The following ULK4 variants were observed in gnomAD, a reference collection of about 807,000 sequenced individuals.
ULK4 encodes unc-51 like kinase 4, also known as inactive serine/threonine-protein kinase ULK4.
In ULK4, 133 loss-of-function variants were observed where a neutral mutation model predicts 160.6. That is an observed-to-expected ratio of 0.83 (90% CI 0.72 to 0.96). ULK4 has a LOEUF of 0.96. Ranked by LOEUF, ULK4 falls within the 40% of genes least tolerant of loss-of-function variation. The probability of loss-of-function intolerance (pLI) is 0.00; values close to 1 mark genes in which losing one functional copy is unlikely to be tolerated. For missense variants in ULK4, 1,580 were observed against 1,499.5 expected (o/e 1.05, Z -0.89); for synonymous variants, 534 against 539.8 (o/e 0.99, Z 0.15).
At chr3:41,812,356 G>T (rs771711430) in intron 19 of ULK4, among the ~76,000 whole-genome samples, 3 of 152,064 alleles carry the variant, frequency 2.0e-5, no homozygotes, top group African/African-American at 7.2e-5. Flanking sequence ...TTTTGTCCTC[G>T]TTACAGATGT....
intron 36 of ULK4, among the ~76,000 whole-genome samples, chr3:41,247,908 A>G (rs189386225): frequency 1.3e-5 from 2 of 152,342 alleles, no homozygotes; most frequent in Admixed American, 6.5e-5. Context: ...TGGTAAGGCA[A>G]TCTGAACAAA....
rs1212395934 is a variant in ULK4, at chr3:41,804,817, G to C, written c.1849-4524C>G. Among the ~76,000 whole-genome samples the C allele has an allele frequency of 1.8e-3, 266 of 149,656 alleles. 2 individuals are homozygous for C. The highest frequency in any genetic ancestry group is 6.1e-3 in the African/African-American group (247 of 40,198). ...TAGATATGTGGCATTATTTCTGAGG[G>C]CTCTGTTCTATTCCATTGGTCTATA... is the stretch of plus-strand genomic sequence containing the variant. On this transcript the variant is annotated intron_variant, in intron 19 of 36. Coordinates refer to ENST00000301831, the MANE Select transcript of ULK4 (RefSeq NM_017886.4).
At chr3:41,372,233 C>G (rs1364174068) in intron 35 of ULK4, among the ~76,000 whole-genome samples, 1 of 152,084 alleles carries the variant, frequency 6.6e-6, no homozygotes, top group East Asian at 1.9e-4. Flanking sequence ...AGGATATTAT[C>G]CAGGAGAACT....
intron 20 of ULK4, among the ~76,000 whole-genome samples, chr3:41,796,815 T>A (rs1197414797): frequency 2.0e-5 from 3 of 152,134 alleles, no homozygotes; most frequent in Non-Finnish European, 4.4e-5. Context: ...GATCTTCATT[T>A]CTAAAAACTT....
intron 5 of ULK4, among the ~76,000 whole-genome samples, chr3:41,930,943 A>C (rs1255260190): frequency 6.6e-6 from 1 of 152,238 alleles, no homozygotes; most frequent in African/African-American, 2.4e-5. Flanking sequence ...GGGATCTAGA[A>C]CCAGAAATAC....
intron 35 of ULK4, among the ~76,000 whole-genome samples, chr3:41,338,525 C>G (rs1019047747): frequency 6.6e-6 from 1 of 152,110 alleles, no homozygotes; most frequent in Non-Finnish European, 1.5e-5. Context: ...GCTCACCCCT[C>G]TGCTTTAAAA....
At chr3:41,768,611 T>G (rs2125916161) in intron 21 of ULK4, among the ~76,000 whole-genome samples, 1 of 152,270 alleles carries the variant, frequency 6.6e-6, no homozygotes, top group Non-Finnish European at 1.5e-5. Flanking sequence ...TTGTACCAAC[T>G]TGCCAGTCAT....
rs370870905 is a variant in ULK4 at position 41,800,133 on chromosome 3, G to T, written c.2009C>A (p.Ser670Ter). 2 of 1,590,704 alleles carry T rather than the reference G, an allele frequency of 1.3e-6. No homozygotes were observed. Among genetic ancestry groups the T allele is most frequent in the African/African-American group, 1.4e-5 (1 of 73,850 alleles). Residue 670 changes from serine (S) to a stop codon, truncating the protein, a stop_gained and splice_region_variant, in exon 20 of 37, where the codon TCG becomes TAG. Transcript: ENST00000301831. LOFTEE classifies it high-confidence loss of function. ...CCCCCAAAAGATGCTTCATCTTACC[G>T]ATACTGCTGTTATCCTAAGAGAATC... Reference protein sequence around the residue: ...TADSLRITAVSALCRITRHSP... With the variant: ...TADSLRITAV
intron 30 of ULK4, among the ~76,000 whole-genome samples, chr3:41,616,720 A>C (rs2032985928): frequency 6.6e-6 from 1 of 152,218 alleles, no homozygotes; most frequent in South Asian, 2.1e-4. Flanking sequence ...GCATTCACCA[A>C]GCTAGCAGTA....
At chr3:41,370,301 GA>G (rs1469980156) in intron 35 of ULK4, among the ~76,000 whole-genome samples, 2 of 152,140 alleles carry the variant, frequency 1.3e-5, no homozygotes, top group Non-Finnish European at 2.9e-5. Flanking sequence ...GTGTTTCATA[GA>G]AAGAAACCAG....
intron 34 of ULK4, among the ~76,000 whole-genome samples, chr3:41,441,667 C>T (rs2083173480): frequency 6.6e-6 from 1 of 151,946 alleles, no homozygotes; most frequent in Non-Finnish European, 1.5e-5. Context: ...AATGTATTTC[C>T]TTCTTTTGCT....
In ULK4 at chr3:41,493,507, C is replaced by A. The variant is rs2084871214; in HGVS notation, c.3227-30254G>T. 1.6e-5 allele frequency among the ~76,000 whole-genome samples: 2 copies of A among 122,084 alleles called. 1 individual carries two copies. The highest frequency in any genetic ancestry group is 3.6e-5 in the Non-Finnish European group (2 of 54,974). The allele number at this position is 122,084 out of a possible 152,430, so 80.1% of individuals were successfully genotyped here. A position where few individuals can be genotyped will look rare whatever the true frequency, so the allele number is the denominator to read the frequency against. Reference sequence around the variant, plus strand: ...ATCCAAAATTGACACCCTGACATCACAATTAAAAGAACTAGAAAAGCAAGA... The same window carrying A: ...ATCCAAAATTGACACCCTGACATCAAAATTAAAAGAACTAGAAAAGCAAGA... On this transcript the variant is annotated intron_variant, in intron 32 of 36. Coordinates refer to ENST00000301831, the MANE Select transcript of ULK4 (RefSeq NM_017886.4).
At chr3:41,737,351 A>G (rs2038090619) in intron 22 of ULK4, among the ~76,000 whole-genome samples, 1 of 152,000 alleles carries the variant, frequency 6.6e-6, no homozygotes, top group Non-Finnish European at 1.5e-5. Context: ...ACCACTGCTC[A>G]ATGAAATTAA....
At chr3:41,706,889 G>GTGTA (rs1361024477) in intron 25 of ULK4, among the ~76,000 whole-genome samples, 20 of 115,664 alleles carry the variant, frequency 1.7e-4, no homozygotes, top group African/African-American at 2.7e-4. Flanking sequence ...GTGTGTGTGT[G>GTGTA]TATATATATA....
chr3:41,509,746 G>C (rs1003925751), intron 32 of ULK4, among the ~76,000 whole-genome samples: 2 of 152,098 alleles, frequency 1.3e-5, no homozygotes, highest in African/African-American at 4.8e-5. Context: ...ATGAAGGAAA[G>C]ACACAGTCTT....
rs374399075 is a variant in ULK4 at position 41,911,307 on chromosome 3, T to C, written c.1085+10A>G. ...TCTTGCACTGATCCCTCTTTTTTCA[T>C]TTTACCTACCTGAGAAGAAACATGG... is the stretch of plus-strand genomic sequence containing the variant. On this transcript the variant is annotated intron_variant, in intron 11 of 36. Coordinates refer to ENST00000301831, the MANE Select transcript of ULK4 (RefSeq NM_017886.4). The C allele has an allele frequency of 2.5e-6, 4 of 1,612,800 alleles. No homozygotes were observed. The highest frequency in any genetic ancestry group is 2.5e-6 in the Non-Finnish European group (3 of 1,179,646).
chr3:41,599,858 C>G (rs1349735426), intron 31 of ULK4, among the ~76,000 whole-genome samples: 1 of 152,048 alleles, frequency 6.6e-6, no homozygotes, highest in East Asian at 1.9e-4. Flanking sequence ...AGCCACCGTG[C>G]CTGGCAGAAA....
At chr3:41,793,675 T>C (rs577410996) in intron 20 of ULK4, among the ~76,000 whole-genome samples, 1 of 152,342 alleles carries the variant, frequency 6.6e-6, no homozygotes, top group East Asian at 1.9e-4. Flanking sequence ...CTTCAGTAAT[T>C]ATGATTACTT....
chr3:41,773,531 T>C (rs1001677124), intron 21 of ULK4, among the ~76,000 whole-genome samples: 2 of 152,140 alleles, frequency 1.3e-5, no homozygotes, highest in African/African-American at 4.8e-5. Context: ...CAAGGACCTC[T>C]TCAAGGAGAA....
Sources: gnomAD v4.1 joint callset for allele counts (sites outside exome capture counted in the v4.1 genomes callset) on GRCh38, gnomAD v4.1.1 for gene constraint, MANE v1.5 for transcripts, NCBI Gene and HGNC (gene_info 2026-07-23, HGNC 2026-07-21) for gene names.